The following SERINC4 variants were observed in gnomAD, a reference collection of about 807,000 sequenced individuals.
SERINC4 encodes serine incorporator 4.
A neutral mutation model predicts 52.0 loss-of-function variants in SERINC4; 52 were observed. That is an observed-to-expected ratio of 1.00 (90% CI 0.80 to 1.26). The LOEUF (loss-of-function observed/expected upper bound fraction) is 1.26. SERINC4 is among the 50% of genes most tolerant of loss of function. SERINC4 has a pLI of 0.00. For synonymous variants in SERINC4, 264 were observed against 247.7 expected (o/e 1.07, Z -0.62); for missense variants, 723 against 632.8 (o/e 1.14, Z -1.53).
In SERINC4 at chr15:43,795,102, C is replaced by T. The variant is rs1384145473; in HGVS notation, c.1455G>A (p.Leu485=). 2.5e-6 allele frequency: 4 copies of T among 1,614,004 alleles called. No individual in the cohort carries two copies. The Admixed American group carries it at 6.7e-5, about 27-fold the overall frequency. Residue 485 remains leucine (L), a synonymous_variant, in exon 12 of 12, where the codon CTG becomes CTA. Transcript: ENST00000319327. ...ACVLLYLGLL[L]APLCWPPTQK... ...GGGTGGGGGGCCAACAGAGTGGTGC[C>T]AGTAACAGCCCCAGATAGAGGAGTA...
Position 43,796,147 on chromosome 15 carries a change from ATCC to A in SERINC4, c.1140+5_1140+7del. 1 of 1,608,018 alleles carries A rather than the reference ATCC, an allele frequency of 6.2e-7. No individual in the cohort carries two copies. Among genetic ancestry groups the A allele is most frequent in the East Asian group, 2.2e-5 (1 of 44,868 alleles). ...GGGTGTTGGGGATATGGAGCTCTTTATCCTCACCTGAAACTCATAGCTGTAAAC... is the reference window on the plus strand; with the variant it reads ...GGGTGTTGGGGATATGGAGCTCTTTATCACCTGAAACTCATAGCTGTAAAC... On this transcript the variant is annotated splice_donor_5th_base_variant and intron_variant, in intron 9 of 11. Transcript: ENST00000319327.
chr15:43,797,130 AG>A lies in SERINC4; in HGVS notation c.844+14del, dbSNP rs2141692370. On this transcript the variant is annotated intron_variant, in intron 6 of 11. Coordinates refer to ENST00000319327, the MANE Select transcript of SERINC4 (RefSeq NM_001258031.2). ...AGGCCCCCAAAACCTGGAATGCTGT[AG>A]GACATGTACCCACTGAGGCGGATGC... is the stretch of plus-strand genomic sequence containing the variant. The A allele has an allele frequency of 6.5e-7, 1 of 1,549,708 alleles. No homozygotes were observed. Among genetic ancestry groups the A allele is most frequent in the East Asian group, 2.4e-5 (1 of 40,912 alleles).
rs201145076 is a variant in SERINC4 at position 43,796,708 on chromosome 15, C to A, written c.975G>T (p.Leu325=). The change falls in exon 8 of 12, where the codon CTG becomes CTT. Residue 325 remains leucine, a synonymous_variant. Transcript: ENST00000319327. ...ILQGQNHTLC[L]PGLSKMEPQT... ...GGGGTTCCATTTTACTCAGGCCAGG[C>A]AGGCACAGGGTGTGATTCTGTCCTT... The A allele has an allele frequency of 6.8e-6, 11 of 1,614,110 alleles. No individual in the cohort carries two copies. Among genetic ancestry groups the A allele is most frequent in the Non-Finnish European group, 9.3e-6 (11 of 1,180,008 alleles).
Position 43,794,877 on chromosome 15 carries a change from G to T in SERINC4, c.*123C>A. On this transcript the variant is annotated 3_prime_UTR_variant, in exon 12 of 12. Transcript: ENST00000319327. ...ACCACTTCTTCCAGTTCATAGTATT[G>T]ACTTCAGCCCAAACGGAGATAACTC... 1 of 748,950 alleles carries T rather than the reference G, an allele frequency of 1.3e-6. No individual in the cohort carries two copies. Among genetic ancestry groups the T allele is most frequent in the Non-Finnish European group, 2.2e-6 (1 of 450,686 alleles). 46.4% of individuals were successfully genotyped at this position (748,950 alleles called of 1,614,324 possible).
At chr15:43,797,779 A>G in intron 5 of SERINC4, 141 bp downstream of exon 5, 2 of 638,224 alleles carry the variant, frequency 3.1e-6, no homozygotes, top group East Asian at 2.8e-5. Flanking sequence ...CCACGCAGTC[A>G]TCACATTCCT....
At position 43,797,983 on chromosome 15, in the gene SERINC4, A is replaced by C. The variant is rs145407757; in HGVS notation, c.569T>G (p.Phe190Cys). 3.1e-6 allele frequency: 5 copies of C among 1,613,776 alleles called. No individual in the cohort carries two copies. The African/African-American group carries it at 6.7e-5, about 22-fold the overall frequency. The change falls in exon 5 of 12, where the codon TTT (phenylalanine) becomes TGT (cysteine). Residue 190 changes from phenylalanine (F) to cysteine (C), a missense_variant. Physicochemically the swap from Phe to Cys is radical, Grantham distance 205. Transcript: ENST00000319327. ...CACCAACTGCAGTAGGATGAATGCA[A>C]AGCCTCCACAGATGCCAATGTAATG... ...AWHYIGICGGFAFILLQLVLI... is the reference protein window; with the variant it reads ...AWHYIGICGGCAFILLQLVLI...
At position 43,795,010 on chromosome 15, in the gene SERINC4, G is replaced by C; in HGVS notation, c.1547C>G (p.Pro516Arg). The stretch of plus-strand genomic sequence containing the variant: ...GTTTGTGAAAAGGACTTAGACTGGA[G>C]GATATTTGTTATCTGGGGATATGAT... ...HRIISPDNKYPPV is the reference protein window; with the variant it reads ...HRIISPDNKYRPV Residue 516 changes from proline (P) to arginine (R), a missense_variant, in exon 12 of 12, where the codon CCT becomes CGT. Pro to Arg is a moderately radical substitution (Grantham distance 103). Transcript: ENST00000319327. The C allele has an allele frequency of 6.2e-7, 1 of 1,610,840 alleles. No individual in the cohort carries two copies. Among genetic ancestry groups the C allele is most frequent in the Non-Finnish European group, 8.5e-7 (1 of 1,179,326 alleles).
In SERINC4 at chr15:43,796,655, A is replaced by G. The variant is rs769207809; in HGVS notation, c.1028T>C (p.Leu343Pro). Residue 343 changes from leucine to proline, a missense_variant, in exon 8 of 12, where the codon CTG becomes CCG. Physicochemically the swap from Leu to Pro is moderately conservative, Grantham distance 98 (BLOSUM62 -3). Coordinates refer to ENST00000319327, the MANE Select transcript of SERINC4 (RefSeq NM_001258031.2). Reference sequence around the variant, plus strand: ...ACAAGCATACATGATGCTAGCACTCAGCATTGCTAGAGAGATATCTGGTGT... The same window carrying G: ...ACAAGCATACATGATGCTAGCACTCGGCATTGCTAGAGAGATATCTGGTGT... ...PQTPDISLAM[L>P]SASIMYACVL... The G allele has an allele frequency of 6.2e-7, 1 of 1,613,998 alleles. No homozygotes were observed. Among genetic ancestry groups the G allele is most frequent in the Non-Finnish European group, 8.5e-7 (1 of 1,179,870 alleles).
At chr15:43,798,376 T>C (rs767838188) in intron 4 of SERINC4, 49 bp downstream of exon 4, 49 of 1,391,352 alleles carry the variant, frequency 3.5e-5, no homozygotes, top group Non-Finnish European at 4.6e-5. Context: ...CCACTTGTTA[T>C]CTTAGAAAAC....
chr15:43,794,866 T>G lies in SERINC4; in HGVS notation c.*134A>C. 1 of 695,746 alleles carries G rather than the reference T, an allele frequency of 1.4e-6. No individual in the cohort carries two copies. Among genetic ancestry groups the G allele is most frequent in the Non-Finnish European group, 2.5e-6 (1 of 407,246 alleles). 43.1% of individuals were successfully genotyped at this position (695,746 alleles called of 1,614,324 possible). On this transcript the variant is annotated 3_prime_UTR_variant, in exon 12 of 12. Coordinates refer to ENST00000319327, the MANE Select transcript of SERINC4 (RefSeq NM_001258031.2). ...GACTGTGTTTGACCACTTCTTCCAG[T>G]TCATAGTATTGACTTCAGCCCAAAC...
chr15:43,799,590 TCCCCTTC>T, intron 1 of SERINC4, 104 bp from the exon 2 acceptor site: 2 of 1,365,958 alleles, frequency 1.5e-6, no homozygotes, highest in East Asian at 5.0e-5. Context: ...TTCCAAAATT[TCCCCTTC>T]CCCTTTCTTC....
intron 5 of SERINC4, 100 bp from the exon 6 acceptor site, chr15:43,797,456 G>T (rs2087238540): frequency 2.3e-6 from 2 of 862,800 alleles, no homozygotes; most frequent in Non-Finnish European, 1.8e-6. Context: ...GCAATGGTGT[G>T]GTCTCAGCTC....
Position 43,795,522 on chromosome 15 carries a change from C to T in SERINC4, c.1209G>A (p.Ala403=), listed in dbSNP as rs1193921795. 21 of 1,614,040 alleles carry T rather than the reference C, an allele frequency of 1.3e-5. No individual in the cohort carries two copies. The highest frequency in any genetic ancestry group is 1.7e-5 in the Non-Finnish European group (20 of 1,180,044). ...GAGGGGTTTCTTGGTCAGCTGGCCT[C>T]GCAGCCCCACCCCTTTGCCCTGGAG... The part of the protein sequence containing the change: ...EADKGQRGGA[A]RPADQETPPA... The change falls in exon 11 of 12, where the codon GCG becomes GCA. Residue 403 remains alanine, a synonymous_variant. Coordinates refer to ENST00000319327, the MANE Select transcript of SERINC4 (RefSeq NM_001258031.2).
chr15:43,798,143 G>A (rs1196270632), intron 4 of SERINC4, 130 bp from the exon 5 acceptor site: 15 of 668,408 alleles, frequency 2.2e-5, no homozygotes, highest in South Asian at 7.2e-5. Context: ...TCTGCCTCCC[G>A]GGTTCAAGTG....
At chr15:43,796,336 C>G in intron 8 of SERINC4, 109 bp from the exon 9 acceptor site, 1 of 842,498 alleles carries the variant, frequency 1.2e-6, no homozygotes, top group South Asian at 1.6e-5. Context: ...ACCATACTCC[C>G]TGTGCCCTTT....
chr15:43,796,875 A>G lies in SERINC4; in HGVS notation c.910T>C (p.Ser304Pro). The change falls in exon 7 of 12, where the codon TCT becomes CCT. Residue 304 changes from serine (S) to proline (P), a missense_variant. Physicochemically the swap from Ser to Pro is moderately conservative, Grantham distance 74. Coordinates refer to ENST00000319327, the MANE Select transcript of SERINC4 (RefSeq NM_001258031.2). ...TCTGGAGGACGGCTGGACAGTGCAGAGAAAGTCAGATACATGATATAGCAG... is the reference window on the plus strand; with the variant it reads ...TCTGGAGGACGGCTGGACAGTGCAGGGAAAGTCAGATACATGATATAGCAG... ...ISCYIMYLTF[S>P]ALSSRPPERV... The G allele has an allele frequency of 6.2e-7, 1 of 1,614,132 alleles. No individual in the cohort carries two copies. The highest frequency in any genetic ancestry group is 1.3e-5 in the African/African-American group (1 of 75,038).
Position 43,796,637 on chromosome 15 carries a change from TA to T in SERINC4, c.1045del (p.Tyr349MetfsTer153), listed in dbSNP as rs748620666. On this transcript the variant is annotated frameshift_variant, in exon 8 of 12. Coordinates refer to ENST00000319327, the MANE Select transcript of SERINC4 (RefSeq NM_001258031.2). LOFTEE classifies it high-confidence loss of function. ...SLAMLSASIM[Y>X]ACVLFACNEA... The stretch of plus-strand genomic sequence containing the variant: ...GCACCAAGCAAAAAGCACACAAGCA[TA>T]CATGATGCTAGCACTCAGCATTGCT... The T allele has an allele frequency of 1.9e-6, 3 of 1,614,140 alleles. No homozygotes were observed. Among genetic ancestry groups the T allele is most frequent in the Non-Finnish European group, 1.7e-6 (2 of 1,180,020 alleles).
Position 43,798,457 on chromosome 15 carries a change from G to A in SERINC4, c.506C>T (p.Ala169Val). 1 of 1,613,784 alleles carries A rather than the reference G, an allele frequency of 6.2e-7. No homozygotes were observed. Among genetic ancestry groups the A allele is most frequent in the South Asian group, 1.1e-5 (1 of 91,080 alleles). Residue 169 changes from alanine to valine, a missense_variant, in exon 4 of 12, where the codon GCC (alanine) becomes GTC (valine). Coordinates refer to ENST00000319327, the MANE Select transcript of SERINC4 (RefSeq NM_001258031.2). Reference protein sequence around the residue: ...LLFLLGLCAIAFCIPDEHLFP... With the variant: ...LLFLLGLCAIVFCIPDEHLFP... ...GAGATGCTCATCAGGAATGCAGAAG[G>A]CAATAGCACAGAGACCTAACAGGAA...
In SERINC4 at chr15:43,795,028, G is replaced by A; in HGVS notation, c.1529C>T (p.Ser510Phe). 3 of 1,607,084 alleles carry A rather than the reference G, an allele frequency of 1.9e-6. No individual in the cohort carries two copies. Among genetic ancestry groups the A allele is most frequent in the Non-Finnish European group, 2.6e-6 (3 of 1,176,270 alleles). Residue 510 changes from serine (S) to phenylalanine (F), a missense_variant, in exon 12 of 12, where the codon TCC becomes TTC. Physicochemically the swap from Ser to Phe is radical, Grantham distance 155. Transcript: ENST00000319327. Reference sequence around the variant, plus strand: ...GACTGGAGGATATTTGTTATCTGGGGATATGATGCGGTGGCGGCGGCGCCT... The same window carrying A: ...GACTGGAGGATATTTGTTATCTGGGAATATGATGCGGTGGCGGCGGCGCCT... ...ILRRRRHRII[S>F]PDNKYPPV
Sources: allele counts gnomAD v4.1 joint callset, GRCh38; gene constraint gnomAD v4.1.1; transcripts MANE v1.5; gene names NCBI Gene and HGNC (gene_info 2026-07-23, HGNC 2026-07-21).